The following RPH3A variants were observed in gnomAD, a reference collection of about 807,000 sequenced individuals.
RPH3A encodes rabphilin 3A, also known as rabphilin-3A.
Under a neutral mutation model 102.2 loss-of-function variants are expected in RPH3A, and 48 were observed. That is an observed-to-expected ratio of 0.47 (90% confidence interval 0.37 to 0.60). The LOEUF is 0.60. RPH3A is among the 20% of genes least tolerant of loss of function. The probability of loss-of-function intolerance (pLI) is 0.00; values close to 1 mark genes in which losing one functional copy is unlikely to be tolerated. For missense variants in RPH3A, 781 were observed against 910.1 expected (o/e 0.86, Z 1.83); for synonymous variants, 310 against 324.3 (o/e 0.96, Z 0.47).
chr12:112,711,391 G>C (rs563419254), intron 1 of RPH3A, among the ~76,000 whole-genome samples: 1 of 150,936 alleles, frequency 6.6e-6, no homozygotes, highest in South Asian at 2.1e-4. Context: ...TTAAAGCCTT[G>C]AGAAGAAAAA....
At chr12:112,580,434 C>T (rs1182122667) in intron 1 of RPH3A, among the ~76,000 whole-genome samples, 1 of 128,688 alleles carries the variant, frequency 7.8e-6, no homozygotes, top group African/African-American at 2.9e-5. Flanking sequence ...GATGGAGTCT[C>T]GCTCTGTCGC....
intron 2 of RPH3A, among the ~76,000 whole-genome samples, chr12:112,805,112 T>C (rs2041433312): frequency 6.6e-6 from 1 of 152,304 alleles, no homozygotes; most frequent in South Asian, 2.1e-4. Flanking sequence ...TTTTTAAAAA[T>C]AAAACATTGC....
At chr12:112,708,453 C>A (rs557871787) in intron 1 of RPH3A, among the ~76,000 whole-genome samples, 1 of 152,154 alleles carries the variant, frequency 6.6e-6, no homozygotes, top group South Asian at 2.1e-4. Context: ...TAATGAGATG[C>A]CAAAATGGGG....
chr12:112,699,138 G>A (rs553282622), intron 1 of RPH3A, among the ~76,000 whole-genome samples: 117 of 152,230 alleles, frequency 7.7e-4, no homozygotes, highest in African/African-American at 2.5e-3. Context: ...CCAGGCTTGT[G>A]TCAAACTCCT....
intron 1 of RPH3A, among the ~76,000 whole-genome samples, chr12:112,612,438 C>T (rs182985450): frequency 1.9e-4 from 29 of 152,170 alleles, no homozygotes; most frequent in African/African-American, 6.5e-4. Flanking sequence ...CTCACATTTG[C>T]TCCGTTAAAC....
At chr12:112,788,851 A>G (rs955901442), upstream of RPH3A, among the ~76,000 whole-genome samples, 3 of 152,112 alleles carry the variant, frequency 2.0e-5, no homozygotes, top group African/African-American at 7.2e-5. Context: ...GGCTTCTTGA[A>G]TCACTCTTCA....
At chr12:112,589,919 C>T (rs530486864) in intron 1 of RPH3A, among the ~76,000 whole-genome samples, 1 of 152,164 alleles carries the variant, frequency 6.6e-6, no homozygotes, top group Non-Finnish European at 1.5e-5. Context: ...TCTATCTCTA[C>T]TAAAAATATA....
chr12:112,880,521 T>C (rs1031682616), intron 14 of RPH3A, among the ~76,000 whole-genome samples: 34 of 152,316 alleles, frequency 2.2e-4, no homozygotes, highest in African/African-American at 7.9e-4. Context: ...AGCCCATCTT[T>C]ACAGGCAAGA....
intron 1 of RPH3A, among the ~76,000 whole-genome samples, chr12:112,738,390 C>T (rs186102831): frequency 8.6e-4 from 131 of 152,066 alleles, no homozygotes; most frequent in Non-Finnish European, 1.6e-3. Flanking sequence ...GGTTTATGGC[C>T]CACCCTGATC....
intron 2 of RPH3A, among the ~76,000 whole-genome samples, chr12:112,807,575 T>C (rs12300556): frequency 0.024 from 3,691 of 152,292 alleles, 131 homozygotes; most frequent in African/African-American, 0.083. Context: ...GAAATGAAGA[T>C]AACAATAACA....
Position 112,673,000 on chromosome 12 carries a change from G to T in RPH3A, c.-140+97681G>T, listed in dbSNP as rs12306628. 6.6e-3 allele frequency among the ~76,000 whole-genome samples: 1,004 copies of T among 152,028 alleles called. 17 individuals carry two copies. The highest frequency in any genetic ancestry group is 0.023 in the African/African-American group (951 of 41,482). ...TCCCCCTGCTTGTGATTTCTTTGAGGTATGTCCTACACCAGGTCCTTGAGT... is the reference window on the plus strand; with the variant it reads ...TCCCCCTGCTTGTGATTTCTTTGAGTTATGTCCTACACCAGGTCCTTGAGT... On this transcript the variant is annotated intron_variant, in intron 1 of 21. Transcript: ENST00000543106.
At chr12:112,598,088 G>A (rs2039530602) in intron 1 of RPH3A, among the ~76,000 whole-genome samples, 1 of 152,144 alleles carries the variant, frequency 6.6e-6, no homozygotes, top group Non-Finnish European at 1.5e-5. Flanking sequence ...GCACTAGTAG[G>A]GCACCACAGT....
At chr12:112,604,885 C>T (rs186537553) in intron 1 of RPH3A, among the ~76,000 whole-genome samples, 14 of 152,314 alleles carry the variant, frequency 9.2e-5, no homozygotes, top group Non-Finnish European at 1.5e-5. Flanking sequence ...TGGCAGCTGG[C>T]CACCCCCAGA....
At chr12:112,699,441 C>T (rs918764947) in intron 1 of RPH3A, among the ~76,000 whole-genome samples, 13 of 152,300 alleles carry the variant, frequency 8.5e-5, no homozygotes, top group African/African-American at 3.1e-4. Flanking sequence ...GGGAATGCTA[C>T]TGAGTAATAA....
chr12:112,828,206 C>T lies in RPH3A; in HGVS notation c.-18-95C>T, dbSNP rs528417961. 4.4e-4 allele frequency: 361 copies of T among 822,322 alleles called. 5 individuals carry two copies. Among genetic ancestry groups the T allele is most frequent in the South Asian group, 4.0e-3 (263 of 65,194 alleles). 50.9% of individuals were successfully genotyped at this position (822,322 alleles called of 1,614,324 possible). A position where few individuals can be genotyped will look rare whatever the true frequency, so the allele number is the denominator to read the frequency against. ...AACTGGATTTAGTTCTCTGTCTTCT[C>T]TATCCCACTGGGTGTGTGGCATAAA... is the stretch of plus-strand genomic sequence containing the variant. On this transcript the variant is annotated intron_variant, in intron 2 of 21. Transcript: ENST00000389385.
intron 1 of RPH3A, among the ~76,000 whole-genome samples, chr12:112,602,711 C>G (rs2039568131): frequency 6.6e-6 from 1 of 151,884 alleles, no homozygotes; most frequent in Non-Finnish European, 1.5e-5. Flanking sequence ...ATTGCTTGAG[C>G]CCAGAAATTT....
chr12:112,837,684 C>T (rs1192246187), intron 4 of RPH3A: 2 of 450,360 alleles, frequency 4.4e-6, no homozygotes, highest in African/African-American at 4.0e-5. Flanking sequence ...ATATATTATT[C>T]AGACATGCTG....
In RPH3A at chr12:112,781,987, C is replaced by T. The variant is rs768522587; in HGVS notation, c.-139-10156C>T. On this transcript the variant is annotated intron_variant, in intron 1 of 21. Transcript: ENST00000543106. ...GTCAGTTGTCTCTCCCACTTTCCCA[C>T]GCTGGGGATCATGATGGAAGGATAC... Among the ~76,000 whole-genome samples the T allele has an allele frequency of 5.9e-5, 9 of 152,172 alleles. 1 individual carries two copies. The highest frequency in any genetic ancestry group is 1.9e-4 in the African/African-American group (8 of 41,438).
intron 2 of RPH3A, among the ~76,000 whole-genome samples, chr12:112,803,785 C>T (rs965653309): frequency 6.6e-6 from 1 of 152,142 alleles, no homozygotes; most frequent in Admixed American, 6.6e-5. Flanking sequence ...AGGCAGTATG[C>T]GCAGTCCTTA....
Sources: gnomAD v4.1 joint callset for allele counts (sites outside exome capture counted in the v4.1 genomes callset) on GRCh38, gnomAD v4.1.1 for gene constraint, MANE v1.5 for transcripts, NCBI Gene and HGNC (gene_info 2026-07-23, HGNC 2026-07-21) for gene names.